The following ABL1 variants were observed in gnomAD, a reference collection of about 807,000 sequenced individuals.
The protein encoded by ABL1 is tyrosine-protein kinase ABL1.
ABL1 carries 11 observed loss-of-function variants against 94.7 expected under a neutral mutation model. The observed-to-expected ratio is 0.12, with a 90% CI of 0.07 to 0.19. The LOEUF (loss-of-function observed/expected upper bound fraction) is 0.19. Among genes scored for constraint, ABL1 ranks in the 10% least tolerant of loss-of-function variants. The pLI is 1.00. For synonymous variants in ABL1, 656 were observed against 622.4 expected, an observed-to-expected ratio of 1.05 and a Z score of -0.80; for missense variants, 1,082 against 1,489.4, an observed-to-expected ratio of 0.73 and a Z score of 4.50.
intron 1 of ABL1, among the ~76,000 whole-genome samples, chr9:130,759,821 C>G (rs1444678236): frequency 1.3e-5 from 2 of 152,088 alleles, no homozygotes; most frequent in Non-Finnish European, 2.9e-5. Context: ...GAAACAGGGT[C>G]TCACTCTGTT....
At chr9:130,759,261 T>C (rs1439289728) in intron 1 of ABL1, among the ~76,000 whole-genome samples, 1 of 152,182 alleles carries the variant, frequency 6.6e-6, no homozygotes, top group Admixed American at 6.5e-5. Context: ...AGGATCAGCT[T>C]CTGTGATTGA....
chr9:130,816,859 A>T lies in ABL1; in HGVS notation c.137-37205A>T, dbSNP rs35974931. On this transcript the variant is annotated intron_variant, in intron 1 of 10. Transcript: ENST00000372348. ...GCTGGGATTAGAGGCATGCACCACC[A>T]CACCTGGCTAATTTTTGTAGTTTTA... Among the ~76,000 whole-genome samples the T allele has an allele frequency of 6.5e-3, 992 of 152,250 alleles. 9 individuals carry two copies. The highest frequency in any genetic ancestry group is 0.022 in the African/African-American group (927 of 41,550).
At chr9:130,785,193 G>A (rs759976765) in intron 1 of ABL1, among the ~76,000 whole-genome samples, 10 of 152,202 alleles carry the variant, frequency 6.6e-5, no homozygotes, top group Admixed American at 2.0e-4. Flanking sequence ...GGAGGAGGGC[G>A]TCCTTTCCCA....
rs3076833 is a variant in ABL1, at chr9:130,716,025, T to TACAC, written c.136+1584_136+1587dup. Among the ~76,000 whole-genome samples the TACAC allele has an allele frequency of 1.8e-3, 259 of 144,948 alleles. 1 individual carries two copies. The highest frequency in any genetic ancestry group is 3.6e-3 in the Middle Eastern group (1 of 274). On this transcript the variant is annotated intron_variant, in intron 1 of 10. Coordinates refer to the ABL1 transcript ENST00000372348. ...CAGTTAAACAAACTAAATATATATA[T>TACAC]ACACACACACACACACATATATATC...
intron 1 of ABL1, among the ~76,000 whole-genome samples, chr9:130,785,571 C>T (rs562222804): frequency 2.0e-4 from 30 of 152,212 alleles, no homozygotes; most frequent in Admixed American, 1.4e-3. Context: ...AAGTAGTAGA[C>T]ACTTTGTTCA....
In ABL1 at chr9:130,726,002, C is replaced by T. The variant is rs149405483; in HGVS notation, c.136+11547C>T. 2.8e-4 allele frequency among the ~76,000 whole-genome samples: 42 copies of T among 150,284 alleles called. 1 individual carries two copies. The East Asian group carries it at 7.7e-3, about 28-fold the overall frequency. ...TAGCTGGGACCACAGGTGTGCACTA[C>T]CACACCTGGCTAATTTAAAAAAAAA... On this transcript the variant is annotated intron_variant, in intron 1 of 10. Coordinates refer to the ABL1 transcript ENST00000372348.
At chr9:130,832,267 T>C (rs1042637422), upstream of ABL1, among the ~76,000 whole-genome samples, 4 of 150,960 alleles carry the variant, frequency 2.6e-5, no homozygotes, top group Non-Finnish European at 5.9e-5. Context: ...GGATTACAGA[T>C]GCCCGCTACC....
rs1001285759 is a variant in ABL1, at chr9:130,886,042, A to AT, written c.*366dup. On this transcript the variant is annotated 3_prime_UTR_variant, in exon 11 of 11. Transcript: ENST00000318560. ...ACGGCTGATGTGGACTGTCTTTTTC[A>AT]TTTTTTTCTCTCTGGAGCCCCTCCT... is the stretch of plus-strand genomic sequence containing the variant. The AT allele has an allele frequency of 7.4e-6, 2 of 271,526 alleles. No individual in the cohort carries two copies. Among genetic ancestry groups the AT allele is most frequent in the Non-Finnish European group, 1.4e-5 (2 of 143,888 alleles). 16.8% of individuals were successfully genotyped at this position (271,526 alleles called of 1,614,324 possible). A position where few individuals can be genotyped will look rare whatever the true frequency, so the allele number is the denominator to read the frequency against.
chr9:130,851,073 G>A (rs554764251), intron 1 of ABL1, among the ~76,000 whole-genome samples: 25 of 151,780 alleles, frequency 1.6e-4, no homozygotes, highest in Non-Finnish European at 3.2e-4. Flanking sequence ...ACAGGTGCCC[G>A]CCACCACGCC....
chr9:130,852,338 A>G (rs983276694), intron 1 of ABL1, among the ~76,000 whole-genome samples: 2 of 151,946 alleles, frequency 1.3e-5, no homozygotes, highest in Non-Finnish European at 2.9e-5. Context: ...TAGTAGCTGG[A>G]ACTACAGGCG....
intron 1 of ABL1, among the ~76,000 whole-genome samples, chr9:130,778,712 C>G (rs998684262): frequency 4.0e-5 from 6 of 151,522 alleles, no homozygotes; most frequent in East Asian, 1.9e-4. Context: ...CTTCTCTGTT[C>G]TCACCATTGT....
intron 6 of ABL1, among the ~76,000 whole-genome samples, chr9:130,874,383 C>T (rs928821830): frequency 3.3e-5 from 5 of 152,174 alleles, no homozygotes; most frequent in African/African-American, 1.2e-4. Context: ...TTTGTCCCAT[C>T]AAGTCTGAAT....
At chr9:130,787,356 TTGTG>T (rs147244425) in intron 1 of ABL1, among the ~76,000 whole-genome samples, 1 of 151,618 alleles carries the variant, frequency 6.6e-6, no homozygotes, top group South Asian at 2.1e-4. Context: ...GTGTGTGTGT[TTGTG>T]TGTGTGTGTG....
rs934451374 is a variant in ABL1, at chr9:130,885,213, C to T, written c.2923C>T (p.Pro975Ser). 2 of 1,613,666 alleles carry T rather than the reference C, an allele frequency of 1.2e-6. No homozygotes were observed. Among genetic ancestry groups the T allele is most frequent in the African/African-American group, 2.7e-5 (2 of 75,060 alleles). ...ACAGTCCGCCAAGCCGTCGGGGACCCCCATCAGCCCAGCCCCCGTTCCCTC... is the reference window on the plus strand; with the variant it reads ...ACAGTCCGCCAAGCCGTCGGGGACCTCCATCAGCCCAGCCCCCGTTCCCTC... The part of the protein sequence containing the change: ...KPQSAKPSGT[P>S]ISPAPVPSTL... Residue 975 changes from proline to serine, a missense_variant, in exon 11 of 11, where the codon CCC becomes TCC. Transcript: ENST00000318560.
At chr9:130,850,590 T>G (rs758409225) in intron 1 of ABL1, among the ~76,000 whole-genome samples, 10 of 152,224 alleles carry the variant, frequency 6.6e-5, no homozygotes, top group Non-Finnish European at 1.3e-4. Context: ...TACTACAACC[T>G]CTGCCTCCTG....
Position 130,885,231 on chromosome 9 carries a change from G to A in ABL1, c.2941G>A (p.Val981Ile), listed in dbSNP as rs769473644. Residue 981 changes from valine (V) to isoleucine (I), a missense_variant, in exon 11 of 11, where the codon GTT becomes ATT. This residue lies in a region of ABL1 where 780 missense variants were observed against 835.8 expected (regional missense o/e 0.93). Transcript: ENST00000318560. Reference sequence around the variant, plus strand: ...GGGGACCCCCATCAGCCCAGCCCCCGTTCCCTCCACGTTGCCATCAGCATC... The same window carrying A: ...GGGGACCCCCATCAGCCCAGCCCCCATTCCCTCCACGTTGCCATCAGCATC... ...PSGTPISPAP[V>I]PSTLPSASSA... The A allele has an allele frequency of 9.3e-6, 15 of 1,613,784 alleles. No homozygotes were observed. Among genetic ancestry groups the A allele is most frequent in the Admixed American group, 5.0e-5 (3 of 60,034 alleles).
At chr9:130,748,103 A>G (rs1416763342) in intron 1 of ABL1, among the ~76,000 whole-genome samples, 1 of 152,154 alleles carries the variant, frequency 6.6e-6, no homozygotes, top group African/African-American at 2.4e-5. Context: ...TGAGTATCTC[A>G]TCATGGTTTT....
chr9:130,884,432 G>A lies in ABL1; in HGVS notation c.2142G>A (p.Leu714=). 1.9e-6 allele frequency: 3 copies of A among 1,612,484 alleles called. No homozygotes were observed. The highest frequency in any genetic ancestry group is 1.1e-5 in the South Asian group (1 of 91,080). The change falls in exon 11 of 11, where the codon CTG becomes CTA. Residue 714 remains leucine (L), a synonymous_variant. Coordinates refer to ENST00000318560, the MANE Select transcript of ABL1 (RefSeq NM_005157.6). The surrounding 1 kb of genome is among the most constrained non-coding windows in gnomAD (Gnocchi z 5.6). ...EGGGSSSKRF[L]RSCSASCVPH... is the part of the protein sequence containing the mutation. ...GTGGCAGCTCCAGCAAGCGCTTCCT[G>A]CGCTCTTGCTCCGCCTCCTGCGTTC...
chr9:130,764,452 C>T (rs1832155632), intron 1 of ABL1, among the ~76,000 whole-genome samples: 3 of 152,270 alleles, frequency 2.0e-5, no homozygotes, highest in African/African-American at 7.2e-5. Context: ...GGGGACTGTG[C>T]TTTGTGCTTC....
Sources: allele counts gnomAD v4.1 joint callset (sites outside exome capture counted in the v4.1 genomes callset), GRCh38; gene constraint gnomAD v4.1.1; regional missense constraint gnomAD v4.1.1; non-coding constraint Gnocchi (gnomAD v3.1); transcripts MANE v1.5; gene names NCBI Gene and HGNC (gene_info 2026-07-23, HGNC 2026-07-21).